The following DOLPP1 variants were observed in gnomAD, a reference collection of about 807,000 sequenced individuals.
The protein encoded by DOLPP1 is dolichyldiphosphatase 1, also known as dolichyl pyrophosphate phosphatase 1.
DOLPP1 carries 15 observed loss-of-function variants against 34.1 expected under a neutral mutation model. That is an observed-to-expected ratio of 0.44 (90% CI 0.29 to 0.68). The LOEUF (loss-of-function observed/expected upper bound fraction) is 0.68. Ranked by LOEUF, DOLPP1 falls within the 30% of genes least tolerant of loss-of-function variation. The pLI is 0.12. For synonymous variants in DOLPP1, 130 were observed against 128.2 expected (o/e 1.01, Z -0.10); for missense variants, 249 against 307.1 (o/e 0.81, Z 1.41).
chr9:129,085,064 C>T lies in DOLPP1; in HGVS notation c.219C>T (p.Asn73=). The T allele has an allele frequency of 2.5e-6, 4 of 1,590,128 alleles. No individual in the cohort carries two copies. Among genetic ancestry groups the T allele is most frequent in the Non-Finnish European group, 3.4e-6 (4 of 1,168,204 alleles). Residue 73 remains asparagine (N), a synonymous_variant, in exon 3 of 8, where the codon AAC becomes AAT. Transcript: ENST00000372546. This position sits in a 1 kb window ranked among gnomAD's most constrained non-coding sequence, Gnocchi z 7.0. ...LGGLALNEGV[N]WLIKNVIQEP... ...GCCTGGCACTGAACGAGGGGGTCAA[C>T]TGGCTGATCAAAAACGTCATCCAGG...
At chr9:129,086,410 A>C in intron 6 of DOLPP1, 143 bp downstream of exon 6, 2 of 1,120,360 alleles carry the variant, frequency 1.8e-6, no homozygotes, top group Admixed American at 2.5e-5. Flanking sequence ...TGGCAGAGAC[A>C]CAGGGGGTTT....
intron 1 of DOLPP1, 143 bp downstream of exon 1, chr9:129,081,350 C>CCTGCG: frequency 9.3e-7 from 1 of 1,069,856 alleles, no homozygotes; most frequent in Non-Finnish European, 1.3e-6. Flanking sequence ...AGGGGCTCGG[C>CCTGCG]CGGCGCGCGC....
chr9:129,086,140 G>T lies in DOLPP1; in HGVS notation c.463G>T (p.Val155Phe). The change falls in exon 6 of 8, where the codon GTC becomes TTC. Residue 155 changes from valine to phenylalanine, a missense_variant and splice_region_variant. Val to Phe is a conservative substitution (Grantham distance 50). Coordinates refer to ENST00000372546, the MANE Select transcript of DOLPP1 (RefSeq NM_020438.5). ...AVAFLVSYSR[V>F]YLLYHTWSQV... Reference sequence around the variant, plus strand: ...ACTTCGCTTCTGGCCTTGGCCCAGGGTCTACCTGCTGTACCACACCTGGAG... The same window carrying T: ...ACTTCGCTTCTGGCCTTGGCCCAGGTTCTACCTGCTGTACCACACCTGGAG... 1 of 1,613,190 alleles carries T rather than the reference G, an allele frequency of 6.2e-7. No individual in the cohort carries two copies. Among genetic ancestry groups the T allele is most frequent in the Non-Finnish European group, 8.5e-7 (1 of 1,179,804 alleles).
chr9:129,086,608 G>T, intron 6 of DOLPP1, 101 bp from the exon 7 acceptor site: 4 of 1,216,566 alleles, frequency 3.3e-6, no homozygotes, highest in South Asian at 2.5e-5. Flanking sequence ...AGGCAGTCGG[G>T]GCGGGTGCCG....
At position 129,085,053 on chromosome 9, in the gene DOLPP1, G is replaced by A. The variant is rs753935908; in HGVS notation, c.208G>A (p.Glu70Lys). The change falls in exon 3 of 8, where the codon GAG becomes AAG. Residue 70 changes from glutamate to lysine, a missense_variant. Glu to Lys is a moderately conservative substitution (Grantham distance 56). Coordinates refer to ENST00000372546, the MANE Select transcript of DOLPP1 (RefSeq NM_020438.5). This position sits in a 1 kb window ranked among gnomAD's most constrained non-coding sequence, Gnocchi z 7.0. ...CTTCCTTGGGGGCCTGGCACTGAAC[G>A]AGGGGGTCAACTGGCTGATCAAAAA... ...ISFLGGLALN[E>K]GVNWLIKNVI... The A allele has an allele frequency of 3.8e-6, 6 of 1,586,506 alleles. No homozygotes were observed. Among genetic ancestry groups the A allele is most frequent in the Admixed American group, 3.5e-5 (2 of 57,296 alleles).
chr9:129,084,989 A>G (rs561107359), intron 2 of DOLPP1, 34 bp from the exon 3 acceptor site: 1 of 1,547,412 alleles, frequency 6.5e-7, no homozygotes. Context: ...ACAGGTGCAC[A>G]GAGGCCCAGC....
chr9:129,081,455 G>A (rs1235798574), intron 1 of DOLPP1, among the ~76,000 whole-genome samples: 1 of 152,138 alleles, frequency 6.6e-6, no homozygotes, highest in East Asian at 1.9e-4. Flanking sequence ...CGCTCCCCCG[G>A]GTCCCGGGGC....
rs771201297 is a variant in DOLPP1 at position 129,081,161 on chromosome 9, C to T, written c.30C>T (p.Pro10=). MAADGQCSL[P]ASWRPVTLTH... is the part of the protein sequence containing the mutation. Reference sequence around the variant, plus strand: ...CAGCGGACGGACAGTGCTCGCTCCCCGCTTCATGGCGGCCGGTGACCCTCA... The same window carrying T: ...CAGCGGACGGACAGTGCTCGCTCCCTGCTTCATGGCGGCCGGTGACCCTCA... The change falls in exon 1 of 8, where the codon CCC becomes CCT. Residue 10 remains proline, a synonymous_variant. Transcript: ENST00000372546. 5 of 1,610,000 alleles carry T rather than the reference C, an allele frequency of 3.1e-6. No individual in the cohort carries two copies. In the South Asian group the frequency reaches 4.4e-5, roughly 14 times the overall value.
At position 129,085,737 on chromosome 9, in the gene DOLPP1, G is replaced by GC. The variant is rs141031635; in HGVS notation, c.461+121_461+122insC. On this transcript the variant is annotated intron_variant, in intron 5 of 7. Coordinates refer to ENST00000372546, the MANE Select transcript of DOLPP1 (RefSeq NM_020438.5). This position sits in a 1 kb window ranked among gnomAD's most constrained non-coding sequence, Gnocchi z 7.0. ...GAACCTGTAGTGCAGGACTGGAAAA[G>GC]GGGTCCCAGACCTCTAGTTTTAAAA... 2,461 of 762,540 alleles carry GC rather than the reference G, an allele frequency of 3.2e-3. 38 individuals carry two copies. The African/African-American group carries it at 0.038, about 12-fold the overall frequency. The allele number at this position is 762,540 out of a possible 1,614,324, so 47.2% of individuals were successfully genotyped here.
At chr9:129,086,855 ATGTT>A in intron 7 of DOLPP1, 57 bp downstream of exon 7, 1 of 1,493,908 alleles carries the variant, frequency 6.7e-7, no homozygotes, top group Non-Finnish European at 9.3e-7. Flanking sequence ...CTCTGCCTCC[ATGTT>A]TGGAGGGCTC....
In DOLPP1 at chr9:129,085,389, C is replaced by A; in HGVS notation, c.362+83C>A. On this transcript the variant is annotated intron_variant, in intron 4 of 7. Transcript: ENST00000372546. This position sits in a 1 kb window ranked among gnomAD's most constrained non-coding sequence, Gnocchi z 7.0. ...GGACTCACTGCTAGCCCTTTGGATG[C>A]CCCTGGGGTGGGAGGGGCTGCAGCG... 3.9e-6 allele frequency: 6 copies of A among 1,524,056 alleles called. No individual in the cohort carries two copies. The highest frequency in any genetic ancestry group is 4.5e-6 in the Non-Finnish European group (5 of 1,100,324). The allele number at this position is 1,524,056 out of a possible 1,614,324, so 94.4% of individuals were successfully genotyped here.
Position 129,085,365 on chromosome 9 carries a change from G to A in DOLPP1, c.362+59G>A. 1.3e-6 allele frequency: 2 copies of A among 1,554,050 alleles called. No homozygotes were observed. Among genetic ancestry groups the A allele is most frequent in the African/African-American group, 1.4e-5 (1 of 73,810 alleles). The stretch of plus-strand genomic sequence containing the variant: ...CTTGCTCAGGCCGAGTTCTGCTAGG[G>A]ACTCACTGCTAGCCCTTTGGATGCC... On this transcript the variant is annotated intron_variant, in intron 4 of 7. Transcript: ENST00000372546. This position sits in a 1 kb window ranked among gnomAD's most constrained non-coding sequence, Gnocchi z 7.0.
chr9:129,083,081 T>C (rs1159694208), intron 1 of DOLPP1, among the ~76,000 whole-genome samples: 1 of 151,820 alleles, frequency 6.6e-6, no homozygotes, highest in Non-Finnish European at 1.5e-5. Context: ...GGAACTCGAG[T>C]TTGGTCCTTG....
rs557869253 is a variant in DOLPP1, at chr9:129,090,376, G to A, written c.*1369G>A. On this transcript the variant is annotated 3_prime_UTR_variant, in exon 8 of 8. Coordinates refer to ENST00000372546, the MANE Select transcript of DOLPP1 (RefSeq NM_020438.5). ...AGACAAGCCGAGTATGAGGTGGTTT[G>A]ATTTAAGAAAAATCAATGAAATTGT... The A allele has an allele frequency of 5.2e-5, 8 of 152,700 alleles. No homozygotes were observed. In the East Asian group the frequency reaches 1.5e-3, roughly 29 times the overall value. The allele number at this position is 152,700 out of a possible 1,614,324, so 9.5% of individuals were successfully genotyped here.
chr9:129,085,430 C>G lies in DOLPP1; in HGVS notation c.363-88C>G. On this transcript the variant is annotated intron_variant, in intron 4 of 7. Transcript: ENST00000372546. The surrounding 1 kb of genome is among the most constrained non-coding windows in gnomAD (Gnocchi z 7.0). The stretch of plus-strand genomic sequence containing the variant: ...GGCTGCAGCGGAGGCAGAAGGTACC[C>G]AGGGAGCATTTGGATGGGGCCAGGG... 2.6e-6 allele frequency: 4 copies of G among 1,526,880 alleles called. No homozygotes were observed. Among genetic ancestry groups the G allele is most frequent in the Non-Finnish European group, 3.6e-6 (4 of 1,105,860 alleles). 94.6% of individuals were successfully genotyped at this position (1,526,880 alleles called of 1,614,324 possible).
Position 129,087,464 on chromosome 9 carries a change from C to T in DOLPP1, c.680+666C>T, listed in dbSNP as rs1343363085. ...CCGAGTAGCTGGGACTACAGGCGCC[C>T]GCCACCACGCCCGGCTAATTTTTTG... is the stretch of plus-strand genomic sequence containing the variant. On this transcript the variant is annotated intron_variant, in intron 7 of 7. Coordinates refer to ENST00000372546, the MANE Select transcript of DOLPP1 (RefSeq NM_020438.5). Among the ~76,000 whole-genome samples the T allele has an allele frequency of 4.6e-5, 7 of 152,210 alleles. No individual in the cohort carries two copies. The East Asian group carries it at 1.4e-3, about 29-fold the overall frequency.
chr9:129,082,749 T>A (rs113819693), intron 1 of DOLPP1, among the ~76,000 whole-genome samples: 3 of 152,294 alleles, frequency 2.0e-5, no homozygotes, highest in African/African-American at 7.2e-5. Context: ...GTCACTTGCT[T>A]ACTTCATTCA....
rs188498441 is a variant in DOLPP1, at chr9:129,082,096, C to T, written c.76+889C>T. On this transcript the variant is annotated intron_variant, in intron 1 of 7. Transcript: ENST00000372546. Reference sequence around the variant, plus strand: ...AGTAAATACCTGCAGTTAATGTTATCCCACCTTGCAAGACCCTCCCTGGGT... The same window carrying T: ...AGTAAATACCTGCAGTTAATGTTATTCCACCTTGCAAGACCCTCCCTGGGT... Among the ~76,000 whole-genome samples, 4 of 152,324 alleles carry T rather than the reference C, an allele frequency of 2.6e-5. No individual in the cohort carries two copies. In the East Asian group the frequency reaches 7.7e-4, roughly 29 times the overall value.
intron 7 of DOLPP1, among the ~76,000 whole-genome samples, chr9:129,088,429 A>G (rs947208501): frequency 6.6e-6 from 1 of 152,042 alleles, no homozygotes; most frequent in Non-Finnish European, 1.5e-5. Context: ...GCCCCTCTAG[A>G]AAATGGGGGT....
Sources: gnomAD v4.1 joint callset for allele counts (sites outside exome capture counted in the v4.1 genomes callset) on GRCh38, gnomAD v4.1.1 for gene constraint, Gnocchi (gnomAD v3.1) non-coding constraint, MANE v1.5 for transcripts, NCBI Gene and HGNC (gene_info 2026-07-23, HGNC 2026-07-21) for gene names.